MAX: variants seen among roughly 807,000 people sequenced by gnomAD.
The protein encoded by MAX is MYC associated transcriptional regulator X, also known as protein max.
Under a neutral mutation model 22.3 loss-of-function variants are expected in MAX, and 3 were observed. That is an observed-to-expected ratio of 0.13 (90% CI 0.06 to 0.35). MAX has a LOEUF of 0.35. MAX is among the 10% of genes least tolerant of loss of function. MAX has a pLI of 1.00. For missense variants in MAX, 119 were observed against 209.4 expected (o/e 0.57, Z 2.66); for synonymous variants, 72 against 77.7 (o/e 0.93, Z 0.39).
At chr14:65,025,380 C>T (rs574664895) in intron 3 of MAX, among the ~76,000 whole-genome samples, 1 of 152,248 alleles carries the variant, frequency 6.6e-6, no homozygotes, top group South Asian at 2.1e-4. Context: ...GTACAGAAAC[C>T]TTTTGGTATG....
At position 65,030,464 on chromosome 14, in the gene MAX, G is replaced by A. The variant is rs1029025522; in HGVS notation, c.172-24180C>T. Among the ~76,000 whole-genome samples the A allele has an allele frequency of 1.3e-5, 2 of 152,118 alleles. No homozygotes were observed. The highest frequency in any genetic ancestry group is 2.9e-5 in the Non-Finnish European group (2 of 68,022). On this transcript the variant is annotated intron_variant, in intron 3 of 3. Transcript: ENST00000341653. This position sits in a 1 kb window ranked among gnomAD's most constrained non-coding sequence, Gnocchi z 4.5. The stretch of plus-strand genomic sequence containing the variant: ...AGTAAGATGGAAACCAGGGCCGAGC[G>A]GCAGTGGCTCATGTCTGTAATCTCA...
At chr14:65,065,281 C>T (rs144673733) in intron 3 of MAX, among the ~76,000 whole-genome samples, 1 of 152,298 alleles carries the variant, frequency 6.6e-6, no homozygotes, top group African/African-American at 2.4e-5. Flanking sequence ...GCCCTGATCA[C>T]ATGGCTCCCG....
chr14:65,044,541 A>T lies in MAX; in HGVS notation c.172-38257T>A. The T allele has an allele frequency of 6.6e-7, 1 of 1,508,784 alleles. No homozygotes were observed. 93.5% of individuals were successfully genotyped at this position (1,508,784 alleles called of 1,614,324 possible). ...GTGCTTTTTTAGAGGGGTTGAAATG[A>T]GCTCTGTCTATCCTGGATTTTGAGT... On this transcript the variant is annotated intron_variant, in intron 3 of 3. Coordinates refer to the MAX transcript ENST00000341653. This position sits in a 1 kb window ranked among gnomAD's most constrained non-coding sequence, Gnocchi z 5.5.
chr14:65,012,033 T>C lies in MAX; in HGVS notation c.172-5749A>G, dbSNP rs2061691559. ...GTCATTGCCTGGCTGCGTGTGCTCA[T>C]TGCGGCTTTTCCGTTAGCCCAAAGT... On this transcript the variant is annotated intron_variant, in intron 3 of 3. Coordinates refer to the MAX transcript ENST00000341653. The surrounding 1 kb of genome is among the most constrained non-coding windows in gnomAD (Gnocchi z 5.0). The C allele has an allele frequency of 2.9e-6, 1 of 349,584 alleles. No individual in the cohort carries two copies. Among genetic ancestry groups the C allele is most frequent in the Non-Finnish European group, 5.5e-6 (1 of 181,064 alleles). The allele number at this position is 349,584 out of a possible 1,614,324, so 21.7% of individuals were successfully genotyped here.
In MAX at chr14:65,023,569, G is replaced by A. The variant is rs1228067284; in HGVS notation, c.172-17285C>T. 3.3e-5 allele frequency among the ~76,000 whole-genome samples: 5 copies of A among 152,170 alleles called. No individual in the cohort carries two copies. Among genetic ancestry groups the A allele is most frequent in the Non-Finnish European group, 5.9e-5 (4 of 68,034 alleles). ...GTTCTATATTCTGTAAATGTCTATA[G>A]GTGTCTATAAACATCTATACGTGTT... On this transcript the variant is annotated intron_variant, in intron 3 of 3. Coordinates refer to the MAX transcript ENST00000341653. This position sits in a 1 kb window ranked among gnomAD's most constrained non-coding sequence, Gnocchi z 4.1.
Position 65,078,181 on chromosome 14 carries a change from T to A in MAX, c.172-145A>T. ...GCTGAAGAAATACAATAATGGCTACTGTAGGCTTTATTTATTTATTTATTT... is the reference window on the plus strand; with the variant it reads ...GCTGAAGAAATACAATAATGGCTACAGTAGGCTTTATTTATTTATTTATTT... On this transcript the variant is annotated intron_variant, in intron 3 of 4. Coordinates refer to ENST00000358664, the MANE Select transcript of MAX (RefSeq NM_002382.5). The surrounding 1 kb of genome is among the most constrained non-coding windows in gnomAD (Gnocchi z 6.4). 1.3e-6 allele frequency: 1 copy of A among 776,790 alleles called. No homozygotes were observed. The highest frequency in any genetic ancestry group is 2.1e-6 in the Non-Finnish European group (1 of 470,820). The allele number at this position is 776,790 out of a possible 1,614,324, so 48.1% of individuals were successfully genotyped here.
chr14:65,102,272 C>A (rs2139975930), intron 1 of MAX, 32 bp downstream of exon 1: 3 of 1,613,282 alleles, frequency 1.9e-6, no homozygotes. Flanking sequence ...GCCTGACAAC[C>A]CGCACGGGAA....
intron 3 of MAX, among the ~76,000 whole-genome samples, chr14:65,081,292 A>G (rs574190087): frequency 2.0e-5 from 3 of 152,346 alleles, no homozygotes; most frequent in African/African-American, 4.8e-5. Context: ...AAAAAAATTT[A>G]AAGCACAAAA....
In MAX at chr14:65,093,154, T is replaced by A. The variant is rs1265968133; in HGVS notation, c.171+554A>T. 2.0e-5 allele frequency among the ~76,000 whole-genome samples: 3 copies of A among 152,258 alleles called. No homozygotes were observed. Among genetic ancestry groups the A allele is most frequent in the Admixed American group, 6.5e-5 (1 of 15,286 alleles). ...ATGGTTATTTTTTTTCTGTTTCACATGAACATGTCTCTTCACTCAAGTCTT... is the reference window on the plus strand; with the variant it reads ...ATGGTTATTTTTTTTCTGTTTCACAAGAACATGTCTCTTCACTCAAGTCTT... On this transcript the variant is annotated intron_variant, in intron 3 of 4. Coordinates refer to ENST00000358664, the MANE Select transcript of MAX (RefSeq NM_002382.5). This position sits in a 1 kb window ranked among gnomAD's most constrained non-coding sequence, Gnocchi z 4.4.
chr14:65,021,485 T>A (rs962196635), intron 3 of MAX, among the ~76,000 whole-genome samples: 1 of 152,202 alleles, frequency 6.6e-6, no homozygotes, highest in Non-Finnish European at 1.5e-5. Context: ...GAGGACACCA[T>A]ATCTAGGCCT....
intron 1 of MAX, chr14:65,101,778 C>A: frequency 1.7e-6 from 1 of 598,408 alleles, no homozygotes; most frequent in Non-Finnish European, 2.9e-6. Context: ...CCGAGCGCCG[C>A]CCCTCCTTCC....
At chr14:65,074,014 A>G (rs1595123493), downstream of MAX, among the ~76,000 whole-genome samples, 1 of 152,168 alleles carries the variant, frequency 6.6e-6, no homozygotes. Flanking sequence ...ACCTGTCCTC[A>G]TGCTGGCTTG....
In MAX at chr14:65,101,588, A is replaced by C; in HGVS notation, c.37-16T>G. On this transcript the variant is annotated splice_polypyrimidine_tract_variant and intron_variant, in intron 1 of 4. Coordinates refer to ENST00000358664, the MANE Select transcript of MAX (RefSeq NM_002382.5). ...GTTGCTCTTCCTGGAATAAGAGAGA[A>C]AAAAAAAAATAGAAAATATAGAAGT... 1 of 1,558,808 alleles carries C rather than the reference A, an allele frequency of 6.4e-7. No homozygotes were observed. Among genetic ancestry groups the C allele is most frequent in the Admixed American group, 1.7e-5 (1 of 57,818 alleles).
At position 65,099,996 on chromosome 14, in the gene MAX, C is replaced by G. The variant is rs553109151; in HGVS notation, c.63+1550G>C. On this transcript the variant is annotated intron_variant, in intron 2 of 4. Coordinates refer to ENST00000358664, the MANE Select transcript of MAX (RefSeq NM_002382.5). The stretch of plus-strand genomic sequence containing the variant: ...TTGCTCTAATGAAGAGCAGGTATAA[C>G]TGAGATGGCTTGCCTTTACCCTGTG... Among the ~76,000 whole-genome samples, 3 of 152,312 alleles carry G rather than the reference C, an allele frequency of 2.0e-5. No homozygotes were observed. In the South Asian group the frequency reaches 6.2e-4, roughly 32 times the overall value.
Position 65,078,412 on chromosome 14 carries a change from C to A in MAX, c.172-376G>T, listed in dbSNP as rs958575195. 3.3e-5 allele frequency among the ~76,000 whole-genome samples: 5 copies of A among 152,208 alleles called. No individual in the cohort carries two copies. Among genetic ancestry groups the A allele is most frequent in the African/African-American group, 9.6e-5 (4 of 41,528 alleles). On this transcript the variant is annotated intron_variant, in intron 3 of 4. Coordinates refer to ENST00000358664, the MANE Select transcript of MAX (RefSeq NM_002382.5). This position sits in a 1 kb window ranked among gnomAD's most constrained non-coding sequence, Gnocchi z 6.4. ...AGAAATGCGGTTTCACCATGTTAGC[C>A]AGGCTGGTCTCAAACTCCTGGCCTC...
chr14:65,024,804 A>G (rs1004435224), intron 3 of MAX, among the ~76,000 whole-genome samples: 1 of 152,012 alleles, frequency 6.6e-6, no homozygotes, highest in Non-Finnish European at 1.5e-5. Context: ...TTTTTTGTAG[A>G]GCTGGGGTCT....
chr14:65,053,322 CG>C (rs768774237), intron 3 of MAX: 24 of 1,437,228 alleles, frequency 1.7e-5, no homozygotes, highest in Admixed American at 7.7e-5. Context: ...CAGTGCCCTG[CG>C]GGGGGGCTTC....
intron 3 of MAX, chr14:65,061,905 C>T (rs936401024): frequency 6.5e-6 from 1 of 154,650 alleles, no homozygotes; most frequent in Non-Finnish European, 1.4e-5. Flanking sequence ...CCTTCCACTT[C>T]AACACTGGAG....
At position 65,014,407 on chromosome 14, in the gene MAX, C is replaced by T. The variant is rs1298393282; in HGVS notation, c.172-8123G>A. The stretch of plus-strand genomic sequence containing the variant: ...GTTTTCGTCCATTACAGCATTTCTC[C>T]AGGTATATGTACACGTGTTGGTTCC... On this transcript the variant is annotated intron_variant, in intron 3 of 3. Coordinates refer to the MAX transcript ENST00000341653. This position sits in a 1 kb window ranked among gnomAD's most constrained non-coding sequence, Gnocchi z 5.1. 6.6e-6 allele frequency among the ~76,000 whole-genome samples: 1 copy of T among 152,164 alleles called. No individual in the cohort carries two copies. The highest frequency in any genetic ancestry group is 1.9e-4 in the East Asian group (1 of 5,200).
Sources: gnomAD v4.1 joint callset for allele counts (sites outside exome capture counted in the v4.1 genomes callset) on GRCh38, gnomAD v4.1.1 for gene constraint, Gnocchi (gnomAD v3.1) non-coding constraint, MANE v1.5 for transcripts, NCBI Gene and HGNC (gene_info 2026-07-23, HGNC 2026-07-21) for gene names.